SGK3: variants seen among roughly 807,000 people sequenced by gnomAD.
The protein encoded by SGK3 is serine/threonine-protein kinase Sgk3.
A neutral mutation model predicts 68.5 loss-of-function variants in SGK3; 47 were observed. That is an observed-to-expected ratio of 0.69 (90% confidence interval 0.54 to 0.87). SGK3 has a LOEUF of 0.87. Among genes scored for constraint, SGK3 ranks in the 40% least tolerant of loss-of-function variants. The probability of loss-of-function intolerance (pLI) is 0.00; values close to 1 mark genes in which losing one functional copy is unlikely to be tolerated. For synonymous variants in SGK3, 181 were observed against 189.1 expected (o/e 0.96, Z 0.35); for missense variants, 479 against 575.5 (o/e 0.83, Z 1.72).
chr8:66,789,123 G>GA (rs35284393), intron 1 of SGK3, among the ~76,000 whole-genome samples: 7,597 of 126,120 alleles, frequency 0.06, 194 homozygotes, highest in Admixed American at 0.075. Flanking sequence ...ATTTTATTCA[G>GA]AAAAAAAAAA....
intron 16 of SGK3, among the ~76,000 whole-genome samples, chr8:66,853,041 CTTT>C (rs1275976754): frequency 2.0e-5 from 3 of 152,068 alleles, no homozygotes; most frequent in African/African-American, 7.2e-5. Context: ...CTTCTCTATA[CTTT>C]TTTTTCTTTC....
intron 4 of SGK3, among the ~76,000 whole-genome samples, chr8:66,812,303 A>C (rs1248165740): frequency 6.6e-6 from 1 of 152,168 alleles, no homozygotes; most frequent in Non-Finnish European, 1.5e-5. Flanking sequence ...TCACGCCTGT[A>C]ATCCCAGCAC....
chr8:66,797,012 A>AAGCTGTACATAT (rs1282165201), intron 2 of SGK3, among the ~76,000 whole-genome samples: 2 of 145,332 alleles, frequency 1.4e-5, no homozygotes, highest in Non-Finnish European at 3.0e-5. Context: ...CTACTGTTTT[A>AAGCTGTACATAT]TTAGTACATA....
In SGK3 at chr8:66,860,313, G is replaced by A. The variant is rs1266971031; in HGVS notation, c.*732G>A. 6.6e-6 allele frequency: 1 copy of A among 152,424 alleles called. No homozygotes were observed. The highest frequency in any genetic ancestry group is 1.5e-5 in the Non-Finnish European group (1 of 68,152). The allele number at this position is 152,424 out of a possible 1,614,324, so 9.4% of individuals were successfully genotyped here. ...CTACTAAAAATACAAAATTGGCAGG[G>A]TGTGGTGGCACATGCCTATAATCCC... On this transcript the variant is annotated 3_prime_UTR_variant, in exon 17 of 17. Transcript: ENST00000521198.
intron 1 of SGK3, among the ~76,000 whole-genome samples, chr8:66,762,566 C>A (rs373181262): frequency 1.1e-4 from 17 of 152,062 alleles, no homozygotes; most frequent in South Asian, 6.2e-4. Flanking sequence ...TTAAAAAAAA[C>A]CCACTGATTT....
chr8:66,759,221 G>GTAACAGAGTGAGACTCTCTCTAAAAAAA (rs1563612981), intron 1 of SGK3, among the ~76,000 whole-genome samples: 1 of 151,602 alleles, frequency 6.6e-6, no homozygotes. Context: ...AAGTAGCTGG[G>GTAACAGAGTGAGACTCTCTCTAAAAAAA]ACTACAGGTG....
At chr8:66,737,917 C>T (rs894579752) in intron 1 of SGK3, among the ~76,000 whole-genome samples, 2 of 151,926 alleles carry the variant, frequency 1.3e-5, no homozygotes, top group African/African-American at 4.8e-5. Context: ...CACCCAGCCC[C>T]GGACCTTTAT....
intron 1 of SGK3, among the ~76,000 whole-genome samples, chr8:66,718,830 A>G (rs1804718502): frequency 6.6e-6 from 1 of 152,114 alleles, no homozygotes; most frequent in Admixed American, 6.6e-5. Context: ...GCCCGGCCAC[A>G]TGTATGTTTT....
chr8:66,769,302 A>G (rs529518378), intron 1 of SGK3, among the ~76,000 whole-genome samples: 45 of 152,146 alleles, frequency 3.0e-4, no homozygotes, highest in African/African-American at 1.0e-3. Context: ...CAGCTCACTG[A>G]AACCTCTACC....
intron 1 of SGK3, among the ~76,000 whole-genome samples, chr8:66,718,314 C>T (rs562836624): frequency 1.3e-5 from 2 of 151,968 alleles, no homozygotes; most frequent in South Asian, 2.1e-4. Flanking sequence ...CATGACTCAC[C>T]GCTCCCAGCC....
intron 1 of SGK3, among the ~76,000 whole-genome samples, chr8:66,756,373 A>G (rs1327632086): frequency 6.6e-6 from 1 of 151,172 alleles, no homozygotes; most frequent in South Asian, 2.1e-4. Context: ...CAGATGGAGT[A>G]AAAAAAAATG....
At chr8:66,783,754 G>C (rs1807086718) in intron 1 of SGK3, among the ~76,000 whole-genome samples, 1 of 152,010 alleles carries the variant, frequency 6.6e-6, no homozygotes. Flanking sequence ...TTGAACTCTT[G>C]GACTCAAGCA....
intron 3 of SGK3, among the ~76,000 whole-genome samples, chr8:66,801,667 C>G (rs1407808150): frequency 2.6e-5 from 4 of 152,114 alleles, no homozygotes; most frequent in African/African-American, 9.7e-5. Context: ...TTCTCTCTCT[C>G]TCTCACACAC....
At chr8:66,818,087 C>A (rs868739094) in intron 5 of SGK3, among the ~76,000 whole-genome samples, 3 of 152,108 alleles carry the variant, frequency 2.0e-5, no homozygotes, top group African/African-American at 7.2e-5. Flanking sequence ...CCACTGCAGT[C>A]CAACCTGGGT....
At chr8:66,815,331 C>A (rs1808534748) in intron 5 of SGK3, among the ~76,000 whole-genome samples, 1 of 152,088 alleles carries the variant, frequency 6.6e-6, no homozygotes, top group Non-Finnish European at 1.5e-5. Flanking sequence ...GTGGTCACAC[C>A]AGCATTAGAC....
intron 1 of SGK3, among the ~76,000 whole-genome samples, chr8:66,762,541 A>G (rs574544664): frequency 6.6e-6 from 1 of 152,040 alleles, no homozygotes; most frequent in Non-Finnish European, 1.5e-5. Flanking sequence ...AAACAAAAAT[A>G]TAACATCATC....
intron 15 of SGK3, among the ~76,000 whole-genome samples, chr8:66,849,601 T>TTC (rs989599526): frequency 6.6e-6 from 1 of 151,496 alleles, no homozygotes; most frequent in Non-Finnish European, 1.5e-5. Flanking sequence ...ATATTTTTTT[T>TTC]TTTTTTTTTT....
chr8:66,723,131 A>ATATATATAT (rs1554591219), intron 1 of SGK3, among the ~76,000 whole-genome samples: 1 of 29,496 alleles, frequency 3.4e-5, no homozygotes, highest in South Asian at 1.8e-3. Context: ...ATATATATAT[A>ATATATATAT]TTTTTTTTTT....
At chr8:66,739,581 A>G (rs999969869) in intron 1 of SGK3, among the ~76,000 whole-genome samples, 5 of 152,114 alleles carry the variant, frequency 3.3e-5, no homozygotes, top group Non-Finnish European at 7.3e-5. Flanking sequence ...TTTTTAGTAA[A>G]GACGGGGTTT....
Sources: allele counts gnomAD v4.1 joint callset (sites outside exome capture counted in the v4.1 genomes callset), GRCh38; gene constraint gnomAD v4.1.1; transcripts MANE v1.5; gene names NCBI Gene and HGNC (gene_info 2026-07-23, HGNC 2026-07-21).